Variants in B3GALT1 observed in about 807,000 individuals in gnomAD.
B3GALT1 encodes the protein UDP-Gal:betaGlcNAc beta 1,3-galactosyltransferase, polypeptide 1.
A neutral mutation model predicts 23.2 loss-of-function variants in B3GALT1; 10 were observed. The observed-to-expected ratio is 0.43, with a 90% CI of 0.27 to 0.73. The LOEUF (loss-of-function observed/expected upper bound fraction) is 0.73, where lower values mean the gene tolerates loss of function less well. Ranked by LOEUF, B3GALT1 falls within the 30% of genes least tolerant of loss-of-function variation. The pLI, the probability that B3GALT1 is intolerant of heterozygous loss-of-function variation, is 0.21. For synonymous variants in B3GALT1, 156 were observed against 141.5 expected (o/e 1.10, Z -0.73); for missense variants, 299 against 405.4 (o/e 0.74, Z 2.25).
intron 1 of B3GALT1, among the ~76,000 whole-genome samples, chr2:167,447,324 G>T (rs964628984): frequency 6.6e-6 from 1 of 152,220 alleles, no homozygotes; most frequent in African/African-American, 2.4e-5. Flanking sequence ...CCCACTTGAG[G>T]AGGCATTCTG....
At chr2:167,480,847 G>A (rs1162855514) in intron 1 of B3GALT1, among the ~76,000 whole-genome samples, 1 of 151,868 alleles carries the variant, frequency 6.6e-6, no homozygotes, top group African/African-American at 2.4e-5. Flanking sequence ...CCCAGAGCAG[G>A]TTCAGGGAAG....
At chr2:167,527,412 C>A (rs1433690130) in intron 2 of B3GALT1, among the ~76,000 whole-genome samples, 13 of 151,702 alleles carry the variant, frequency 8.6e-5, no homozygotes, top group Admixed American at 8.6e-4. Flanking sequence ...ATCTTTGATA[C>A]AAATAAGTTT....
intron 2 of B3GALT1, among the ~76,000 whole-genome samples, chr2:167,582,744 A>G (rs1161298601): frequency 6.6e-6 from 1 of 152,124 alleles, no homozygotes; most frequent in African/African-American, 2.4e-5. Context: ...GAAAGGATTC[A>G]TCCAAGCCCA....
intron 1 of B3GALT1, among the ~76,000 whole-genome samples, chr2:167,337,352 C>T (rs577882981): frequency 2.0e-5 from 3 of 146,800 alleles, no homozygotes. Context: ...TGCGTGCTCA[C>T]ACACACACAC....
intron 2 of B3GALT1, among the ~76,000 whole-genome samples, chr2:167,638,467 A>C (rs1345748428): frequency 6.6e-6 from 1 of 152,008 alleles, no homozygotes. Context: ...TTCATGTGTC[A>C]CTGTACCACG....
rs948598275 is a variant in B3GALT1 at position 167,777,537 on chromosome 2, G to A, written c.-351-41135G>A. Among the ~76,000 whole-genome samples, 8 of 152,178 alleles carry A rather than the reference G, an allele frequency of 5.3e-5. No homozygotes were observed. The East Asian group carries it at 9.7e-4, about 18-fold the overall frequency. ...AATTTTTTGTGTTTTCAGTAGAGAC[G>A]TGGTTTCGCCTTGTTGGCCAGGCTG... On this transcript the variant is annotated intron_variant, in intron 3 of 4. Coordinates refer to ENST00000392690, the MANE Select transcript of B3GALT1 (RefSeq NM_020981.4).
At chr2:167,607,362 A>G (rs1261845370) in intron 2 of B3GALT1, among the ~76,000 whole-genome samples, 1 of 152,120 alleles carries the variant, frequency 6.6e-6, no homozygotes, top group East Asian at 1.9e-4. Flanking sequence ...TGTTTTATGC[A>G]AGAAGAATAT....
intron 1 of B3GALT1, among the ~76,000 whole-genome samples, chr2:167,483,123 C>T (rs1574097925): frequency 6.6e-6 from 1 of 151,714 alleles, no homozygotes; most frequent in African/African-American, 2.4e-5. Context: ...GAGAAACCCC[C>T]TCTCTACTAA....
intron 3 of B3GALT1, among the ~76,000 whole-genome samples, chr2:167,663,852 T>C (rs1400089345): frequency 6.6e-6 from 1 of 152,166 alleles, no homozygotes; most frequent in African/African-American, 2.4e-5. Flanking sequence ...TTGTAGATTC[T>C]GGATGTTAGC....
chr2:167,597,202 G>A (rs977147436), intron 2 of B3GALT1, among the ~76,000 whole-genome samples: 2 of 148,406 alleles, frequency 1.3e-5, no homozygotes, highest in Non-Finnish European at 1.5e-5. Flanking sequence ...TGCAAACTCC[G>A]CCTTCCGGGT....
intron 3 of B3GALT1, among the ~76,000 whole-genome samples, chr2:167,796,117 T>G (rs1313508307): frequency 6.6e-6 from 1 of 152,238 alleles, no homozygotes; most frequent in Non-Finnish European, 1.5e-5. Context: ...TCAAAATAAC[T>G]TAGTCTCCTG....
At chr2:167,654,475 A>T (rs905797381) in intron 3 of B3GALT1, among the ~76,000 whole-genome samples, 2 of 151,842 alleles carry the variant, frequency 1.3e-5, no homozygotes, top group African/African-American at 4.8e-5. Flanking sequence ...CCTTTGCCAA[A>T]CTCAACTGCT....
chr2:167,870,285 C>T lies in B3GALT1; in HGVS notation c.*265C>T, dbSNP rs1690317167. 3.0e-6 allele frequency: 1 copy of T among 332,988 alleles called. No individual in the cohort carries two copies. Among genetic ancestry groups the T allele is most frequent in the South Asian group, 9.1e-5 (1 of 10,932 alleles). 20.6% of individuals were successfully genotyped at this position (332,988 alleles called of 1,614,324 possible). ...CTCAAAAAGTGACTTCCAAACAACT[C>T]TTAGGATTGACGTACCGTGCATCTG... On this transcript the variant is annotated 3_prime_UTR_variant, in exon 5 of 5. Coordinates refer to ENST00000392690, the MANE Select transcript of B3GALT1 (RefSeq NM_020981.4).
At position 167,409,602 on chromosome 2, in the gene B3GALT1, A is replaced by C. The variant is rs117537557; in HGVS notation, c.-510-80575A>C. 7.2e-4 allele frequency among the ~76,000 whole-genome samples: 110 copies of C among 152,068 alleles called. 1 individual carries two copies. The East Asian group carries it at 0.017, about 24-fold the overall frequency. On this transcript the variant is annotated intron_variant, in intron 1 of 4. Transcript: ENST00000392690. Reference sequence around the variant, plus strand: ...TTGTGCTGTGTTTTTCAGCTCCATCAGGTCAGTTAGGTTCTTCTCTAAGCT... The same window carrying C: ...TTGTGCTGTGTTTTTCAGCTCCATCCGGTCAGTTAGGTTCTTCTCTAAGCT...
chr2:167,489,361 T>A (rs1043230337), intron 1 of B3GALT1, among the ~76,000 whole-genome samples: 1 of 152,162 alleles, frequency 6.6e-6, no homozygotes, highest in Non-Finnish European at 1.5e-5. Context: ...TTAAAATAGA[T>A]TTTTCAGTAA....
intron 1 of B3GALT1, among the ~76,000 whole-genome samples, chr2:167,471,963 C>T (rs867755113): frequency 9.9e-5 from 15 of 152,264 alleles, no homozygotes; most frequent in Admixed American, 3.3e-4. Flanking sequence ...GAAGAAAGTG[C>T]TGGCAGACCA....
At chr2:167,606,222 C>T (rs764239072) in intron 2 of B3GALT1, among the ~76,000 whole-genome samples, 30 of 152,204 alleles carry the variant, frequency 2.0e-4, no homozygotes, top group Non-Finnish European at 3.2e-4. Flanking sequence ...AATCATATGC[C>T]GCTAAGTTTT....
intron 1 of B3GALT1, among the ~76,000 whole-genome samples, chr2:167,364,724 A>G (rs982811407): frequency 6.6e-6 from 1 of 152,106 alleles, no homozygotes; most frequent in African/African-American, 2.4e-5. Flanking sequence ...ACATTTTCTT[A>G]TATATATACA....
intron 1 of B3GALT1, among the ~76,000 whole-genome samples, chr2:167,409,281 A>G (rs1698356566): frequency 6.6e-6 from 1 of 152,102 alleles, no homozygotes; most frequent in Non-Finnish European, 1.5e-5. Context: ...TATTTCCTGA[A>G]TTTGAATGTT....
Sources: gnomAD v4.1 joint callset for allele counts (sites outside exome capture counted in the v4.1 genomes callset) on GRCh38, gnomAD v4.1.1 for gene constraint, MANE v1.5 for transcripts, NCBI Gene and HGNC (gene_info 2026-07-23, HGNC 2026-07-21) for gene names.